The following COL27A1 variants were observed in gnomAD, a reference collection of about 807,000 sequenced individuals.
COL27A1 encodes collagen alpha-1(XXVII) chain.
A neutral mutation model predicts 251.3 loss-of-function variants in COL27A1; 106 were observed. The ratio of observed to expected loss-of-function variants is 0.42; its 90% CI spans 0.36 to 0.50. The LOEUF (loss-of-function observed/expected upper bound fraction) is 0.50. COL27A1 is among the 20% of genes least tolerant of loss of function. The pLI is 0.00. For missense variants in COL27A1, 2,325 were observed against 2,522.8 expected (o/e 0.92, Z 1.68); for synonymous variants, 1,000 against 986.3 (o/e 1.01, Z -0.26).
At chr9:114,263,348 T>A (rs956712031) in intron 28 of COL27A1, among the ~76,000 whole-genome samples, 1 of 152,108 alleles carries the variant, frequency 6.6e-6, no homozygotes, top group African/African-American at 2.4e-5. Flanking sequence ...TCCTTTTATC[T>A]GGGGGAGTAT....
At chr9:114,167,066 C>A (rs62555367) in intron 2 of COL27A1, among the ~76,000 whole-genome samples, 14,007 of 152,196 alleles carry the variant, frequency 0.092, 762 homozygotes, top group South Asian at 0.13. Flanking sequence ...CTGTCAGACC[C>A]CTAGGACATC....
intron 37 of COL27A1, among the ~76,000 whole-genome samples, chr9:114,277,054 T>C (rs549641079): frequency 6.6e-6 from 1 of 152,184 alleles, no homozygotes; most frequent in Non-Finnish European, 1.5e-5. Context: ...TCTGGCAGAG[T>C]TGGAATCCAG....
At chr9:114,243,416 T>C in intron 22 of COL27A1, 91 bp from the exon 23 acceptor site, 1 of 1,033,856 alleles carries the variant, frequency 9.7e-7, no homozygotes, top group Non-Finnish European at 1.5e-6. Flanking sequence ...TCTACAGCTG[T>C]GGATACCCTG....
chr9:114,219,572 A>G (rs1274908026), intron 12 of COL27A1, among the ~76,000 whole-genome samples: 2 of 152,080 alleles, frequency 1.3e-5, no homozygotes, highest in African/African-American at 2.4e-5. Context: ...TTTTCTTTTC[A>G]GAGACTTAGT....
chr9:114,288,889 TC>T, intron 43 of COL27A1, 24 bp from the exon 44 acceptor site: 1 of 1,613,488 alleles, frequency 6.2e-7, no homozygotes, highest in Non-Finnish European at 8.5e-7. Context: ...TGGGCCCCCC[TC>T]ACCTGTCTCT....
At chr9:114,218,248 T>G (rs1830843356) in intron 12 of COL27A1, 1 of 166,252 alleles carries the variant, frequency 6.0e-6, no homozygotes, top group Non-Finnish European at 1.3e-5. Context: ...CCTAAAGATG[T>G]GGGGGAGGAA....
chr9:114,247,049 A>G (rs1588758170), intron 24 of COL27A1, among the ~76,000 whole-genome samples: 1 of 152,234 alleles, frequency 6.6e-6, no homozygotes, highest in East Asian at 1.9e-4. Flanking sequence ...CAGGCTGGAA[A>G]GGCCCAGGGA....
chr9:114,205,362 A>T (rs533727308), intron 8 of COL27A1, among the ~76,000 whole-genome samples: 46 of 152,188 alleles, frequency 3.0e-4, no homozygotes, highest in Non-Finnish European at 5.4e-4. Context: ...TGCCAGCCTG[A>T]TGTTGGCATG....
intron 28 of COL27A1, among the ~76,000 whole-genome samples, chr9:114,259,931 G>T (rs1273284153): frequency 6.6e-6 from 1 of 151,808 alleles, no homozygotes; most frequent in Non-Finnish European, 1.5e-5. Context: ...CGGCCTGGAA[G>T]AGGGAAGATT....
chr9:114,289,255 C>T lies in COL27A1; in HGVS notation c.4166C>T (p.Pro1389Leu), dbSNP rs1302830163. The change falls in exon 45 of 61, where the codon CCC (proline) becomes CTC (leucine). Residue 1389 changes from proline (P) to leucine (L), a missense_variant. Pro to Leu is a moderately conservative substitution (Grantham distance 98). Around this residue, in one of 4 missense-constraint regions of COL27A1, gnomAD observed 662 missense variants for 795.3 expected, o/e 0.83. Coordinates refer to ENST00000356083, the MANE Select transcript of COL27A1 (RefSeq NM_032888.4). ...GQQGQPGHPGPRGWPGPKGSK... is the reference protein window; with the variant it reads ...GQQGQPGHPGLRGWPGPKGSK... ...CTTGGTTTGCAGGGGCATCCGGGAC[C>T]CCGGGGGTGGCCGGGACCCAAAGGA... 6.3e-7 allele frequency: 1 copy of T among 1,595,580 alleles called. No homozygotes were observed. The highest frequency in any genetic ancestry group is 8.5e-7 in the Non-Finnish European group (1 of 1,172,404).
chr9:114,220,079 A>C (rs905112202), intron 13 of COL27A1, among the ~76,000 whole-genome samples: 3 of 152,176 alleles, frequency 2.0e-5, no homozygotes, highest in African/African-American at 7.2e-5. Context: ...CCCTGGGTCC[A>C]AAGCTCCAGG....
At chr9:114,264,443 T>A (rs1367943459) in intron 29 of COL27A1, 35 bp downstream of exon 29, 2 of 1,483,810 alleles carry the variant, frequency 1.3e-6, no homozygotes, top group Non-Finnish European at 1.8e-6. Flanking sequence ...TCCTCACTCC[T>A]CCGACACTGG....
intron 18 of COL27A1, among the ~76,000 whole-genome samples, chr9:114,237,386 G>A (rs1192098384): frequency 6.6e-6 from 1 of 152,202 alleles, no homozygotes; most frequent in Non-Finnish European, 1.5e-5. Context: ...TTCTTTGAAG[G>A]CTGCCAACTA....
chr9:114,182,189 T>A (rs963446966), intron 4 of COL27A1, among the ~76,000 whole-genome samples: 2 of 139,056 alleles, frequency 1.4e-5, no homozygotes, highest in African/African-American at 5.2e-5. Context: ...ATAATAATAA[T>A]AAAATAATAA....
intron 49 of COL27A1, among the ~76,000 whole-genome samples, chr9:114,295,744 G>A (rs930075465): frequency 6.6e-6 from 1 of 151,908 alleles, no homozygotes; most frequent in Non-Finnish European, 1.5e-5. Flanking sequence ...CGCAACCTCC[G>A]CCTCCAGGAT....
At chr9:114,205,990 G>C (rs1317699744) in intron 9 of COL27A1, among the ~76,000 whole-genome samples, 178 bp downstream of exon 9, 2 of 152,170 alleles carry the variant, frequency 1.3e-5, no homozygotes, top group Non-Finnish European at 2.9e-5. Flanking sequence ...GCAGGCACAG[G>C]ATAAGGCTGC....
At position 114,288,460 on chromosome 9, in the gene COL27A1, G is replaced by C; in HGVS notation, c.3993G>C (p.Glu1331Asp). Reference sequence around the variant, plus strand: ...AGCTGGTTCTGTGTCCACAGGGGGAGCAGGGCGAGGACGGCAAGGCTGAGG... The same window carrying C: ...AGCTGGTTCTGTGTCCACAGGGGGACCAGGGCGAGGACGGCAAGGCTGAGG... ...GPPGPKGEKGEQGEDGKAEGP... is the reference protein window; with the variant it reads ...GPPGPKGEKGDQGEDGKAEGP... The change falls in exon 42 of 61, where the codon GAG becomes GAC. Residue 1331 changes from glutamate (E) to aspartate (D), a missense_variant. Glu to Asp is a conservative substitution (Grantham distance 45, BLOSUM62 2). Transcript: ENST00000356083. 1 of 1,610,050 alleles carries C rather than the reference G, an allele frequency of 6.2e-7. No individual in the cohort carries two copies. Among genetic ancestry groups the C allele is most frequent in the Non-Finnish European group, 8.5e-7 (1 of 1,178,908 alleles).
chr9:114,201,572 T>G (rs922696560), intron 7 of COL27A1, among the ~76,000 whole-genome samples: 19 of 152,210 alleles, frequency 1.2e-4, no homozygotes, highest in Non-Finnish European at 2.2e-4. Flanking sequence ...CTAGAAATTG[T>G]ATATCCCAAT....
At chr9:114,202,964 A>G (rs1260400702) in intron 7 of COL27A1, among the ~76,000 whole-genome samples, 1 of 152,226 alleles carries the variant, frequency 6.6e-6, no homozygotes, top group African/African-American at 2.4e-5. Context: ...GTTAAAAAGC[A>G]TATAACATAA....
Sources: allele counts gnomAD v4.1 joint callset (sites outside exome capture counted in the v4.1 genomes callset), GRCh38; gene constraint gnomAD v4.1.1; regional missense constraint gnomAD v4.1.1; transcripts MANE v1.5; gene names NCBI Gene and HGNC (gene_info 2026-07-23, HGNC 2026-07-21).